Variants in CCDC102B observed in about 807,000 individuals in gnomAD.
CCDC102B encodes the protein coiled-coil domain containing 102B.
A neutral mutation model predicts 57.4 loss-of-function variants in CCDC102B; 75 were observed. That is an observed-to-expected ratio of 1.31 (90% CI 1.08 to 1.58). CCDC102B has a LOEUF of 1.58. Among genes scored for constraint, CCDC102B ranks in the 40% most tolerant of loss-of-function variants. CCDC102B has a pLI of 0.00. For missense variants in CCDC102B, 636 were observed against 582.6 expected (o/e 1.09, Z -0.94); for synonymous variants, 206 against 201.9 (o/e 1.02, Z -0.17).
intron 7 of CCDC102B, among the ~76,000 whole-genome samples, chr18:69,033,750 C>T (rs1239967095): frequency 6.6e-6 from 1 of 151,724 alleles, no homozygotes; most frequent in Non-Finnish European, 1.5e-5. Context: ...AACTCTATGT[C>T]TAACTTTTAA....
At chr18:68,776,515 A>G (rs2034822803) in intron 2 of CCDC102B, among the ~76,000 whole-genome samples, 1 of 152,200 alleles carries the variant, frequency 6.6e-6, no homozygotes, top group Non-Finnish European at 1.5e-5. Context: ...TCCTTTGCAA[A>G]GACATGGATG....
intron 1 of CCDC102B, among the ~76,000 whole-genome samples, chr18:68,812,222 T>C (rs1341904712): frequency 6.6e-6 from 1 of 151,634 alleles, no homozygotes; most frequent in Non-Finnish European, 1.5e-5. Context: ...GGAAAATATA[T>C]TTATATTATT....
chr18:68,789,374 C>A (rs1485655979), intron 2 of CCDC102B, among the ~76,000 whole-genome samples: 2 of 152,086 alleles, frequency 1.3e-5, no homozygotes, highest in African/African-American at 4.8e-5. Context: ...TGAACGTTGG[C>A]CTGCTTTGCT....
At chr18:68,832,142 T>C (rs73460030) in intron 1 of CCDC102B, among the ~76,000 whole-genome samples, 2,776 of 152,294 alleles carry the variant, frequency 0.018, 69 homozygotes, top group African/African-American at 0.049. Flanking sequence ...TCATTTTCTA[T>C]AGATTAAGAT....
At chr18:68,726,916 G>A (rs142306433) in intron 2 of CCDC102B, among the ~76,000 whole-genome samples, 1 of 152,206 alleles carries the variant, frequency 6.6e-6, no homozygotes, top group African/African-American at 2.4e-5. Context: ...GTAAAATTTG[G>A]GAAGAGTCCA....
rs111660609 is a variant in CCDC102B, at chr18:68,934,402, T to C, written c.1263+36974T>C. 5.3e-3 allele frequency among the ~76,000 whole-genome samples: 808 copies of C among 152,108 alleles called. 4 individuals are homozygous for C. Among genetic ancestry groups the C allele is most frequent in the African/African-American group, 0.018 (749 of 41,544 alleles). On this transcript the variant is annotated intron_variant, in intron 6 of 7. Transcript: ENST00000360242. ...TTATCCTCTTTTTCAAAAGTAACTT[T>C]CTATTGTAGCATGTGTGTTTTCTTT...
rs181802541 is a variant in CCDC102B at position 68,944,362 on chromosome 18, A to G, written c.1263+46934A>G. ...ATTTAAGCTTATAAAACAAAGTACC[A>G]TAGTCTGGATGGCTTAAAAACAACA... On this transcript the variant is annotated intron_variant, in intron 6 of 7. Transcript: ENST00000360242. Among the ~76,000 whole-genome samples, 6 of 152,306 alleles carry G rather than the reference A, an allele frequency of 3.9e-5. No individual in the cohort carries two copies. The East Asian group carries it at 7.7e-4, about 20-fold the overall frequency.
intron 2 of CCDC102B, among the ~76,000 whole-genome samples, chr18:68,743,638 A>G (rs958895053): frequency 6.6e-6 from 1 of 152,166 alleles, no homozygotes; most frequent in Non-Finnish European, 1.5e-5. Context: ...AAAGCCTTGC[A>G]GGAGAATGCT....
chr18:69,016,743 T>C (rs1475883618), intron 7 of CCDC102B, among the ~76,000 whole-genome samples: 3 of 152,238 alleles, frequency 2.0e-5, no homozygotes, highest in Non-Finnish European at 4.4e-5. Flanking sequence ...GTCAGTCTTC[T>C]CTTGATGAAG....
At chr18:68,941,194 T>C (rs531010127) in intron 6 of CCDC102B, among the ~76,000 whole-genome samples, 1 of 151,776 alleles carries the variant, frequency 6.6e-6, no homozygotes, top group Non-Finnish European at 1.5e-5. Context: ...ATGTGACTTT[T>C]AATGAGATGT....
intron 2 of CCDC102B, among the ~76,000 whole-genome samples, chr18:68,761,438 A>T (rs1568236777): frequency 6.6e-6 from 1 of 151,336 alleles, no homozygotes; most frequent in Non-Finnish European, 1.5e-5. Context: ...TTACGTGGGT[A>T]ATCAATCAAT....
intron 5 of CCDC102B, among the ~76,000 whole-genome samples, chr18:68,877,044 A>G (rs1490526027): frequency 2.0e-5 from 3 of 152,202 alleles, no homozygotes; most frequent in South Asian, 2.1e-4. Flanking sequence ...AAAAATTTAA[A>G]CTATATAGTT....
intron 6 of CCDC102B, among the ~76,000 whole-genome samples, chr18:68,913,511 A>G (rs988076069): frequency 2.0e-5 from 3 of 151,968 alleles, no homozygotes; most frequent in African/African-American, 7.2e-5. Context: ...GCCAGGCATC[A>G]TGGCACAGGC....
At chr18:68,841,916 T>G (rs1014278556) in intron 3 of CCDC102B, among the ~76,000 whole-genome samples, 1 of 151,914 alleles carries the variant, frequency 6.6e-6, no homozygotes, top group Non-Finnish European at 1.5e-5. Context: ...TTTTTTTATT[T>G]TTAGTAGAGA....
Position 68,887,277 on chromosome 18 carries a change from A to C in CCDC102B, c.1054-9942A>C, listed in dbSNP as rs144174873. Among the ~76,000 whole-genome samples the C allele has an allele frequency of 8.0e-3, 1,214 of 152,298 alleles. 5 individuals carry two copies. The highest frequency in any genetic ancestry group is 0.01 in the Non-Finnish European group (692 of 68,006). On this transcript the variant is annotated intron_variant, in intron 5 of 7. Coordinates refer to ENST00000360242, the MANE Select transcript of CCDC102B (RefSeq NM_024781.3). The stretch of plus-strand genomic sequence containing the variant: ...GAGGTGGAGCATTCAGGTAAAAACA[A>C]GCGTAATAGGAAGCTCAAAGGATAT...
intron 2 of CCDC102B, among the ~76,000 whole-genome samples, chr18:68,781,916 T>C (rs1361375844): frequency 6.6e-6 from 1 of 152,128 alleles, no homozygotes; most frequent in African/African-American, 2.4e-5. Context: ...ATAACAGTCA[T>C]TGAGGTATTT....
intron 6 of CCDC102B, among the ~76,000 whole-genome samples, chr18:68,920,870 T>G (rs894571492): frequency 4.6e-5 from 7 of 152,118 alleles, no homozygotes; most frequent in African/African-American, 1.7e-4. Context: ...ATGGGGTTTA[T>G]GAGGGTTATA....
chr18:68,932,630 C>A (rs1022455730), intron 6 of CCDC102B, among the ~76,000 whole-genome samples: 1 of 151,922 alleles, frequency 6.6e-6, no homozygotes, highest in Non-Finnish European at 1.5e-5. Flanking sequence ...ACCTATTCAA[C>A]AATATCTTAG....
intron 4 of CCDC102B, among the ~76,000 whole-genome samples, chr18:68,862,496 T>G (rs1346610850): frequency 1.3e-5 from 2 of 152,192 alleles, no homozygotes; most frequent in African/African-American, 4.8e-5. Context: ...TTATAAAAAT[T>G]TTATGATTCA....
Sources: allele counts gnomAD v4.1 joint callset (sites outside exome capture counted in the v4.1 genomes callset), GRCh38; gene constraint gnomAD v4.1.1; transcripts MANE v1.5; gene names NCBI Gene and HGNC (gene_info 2026-07-23, HGNC 2026-07-21).